Variants in SLC9A4 observed in about 807,000 individuals in gnomAD.
The protein encoded by SLC9A4 is solute carrier family 9 member A4.
A neutral mutation model predicts 67.4 loss-of-function variants in SLC9A4; 63 were observed. The observed-to-expected ratio is 0.93, with a 90% CI of 0.76 to 1.15. The LOEUF is 1.15. Among genes scored for constraint, SLC9A4 ranks in the 50% most tolerant of loss-of-function variants. SLC9A4 has a pLI of 0.00. For missense variants in SLC9A4, 1,089 were observed against 987.7 expected (o/e 1.10, Z -1.38); for synonymous variants, 393 against 367.2 (o/e 1.07, Z -0.80).
In SLC9A4 at chr2:102,503,762, A is replaced by G. The variant is rs186721123; in HGVS notation, c.980+55A>G. 8.8e-5 allele frequency: 139 copies of G among 1,586,544 alleles called. 1 individual carries two copies. The East Asian group carries it at 3.1e-3, about 35-fold the overall frequency. ...AGTAATAGAAAGAAAGTTTAGAACC[A>G]CATCACATGAGCCAGGCATCTGGGA... On this transcript the variant is annotated intron_variant, in intron 3 of 11. Coordinates refer to ENST00000295269, the MANE Select transcript of SLC9A4 (RefSeq NM_001011552.4).
chr2:102,488,709 C>T (rs57540503), intron 2 of SLC9A4, among the ~76,000 whole-genome samples: 24,470 of 152,014 alleles, frequency 0.16, 2,407 homozygotes, highest in African/African-American at 0.27. Flanking sequence ...CCACCACGCC[C>T]GGCTAATTTT....
At chr2:102,495,560 T>C (rs557143545) in intron 2 of SLC9A4, among the ~76,000 whole-genome samples, 1 of 152,152 alleles carries the variant, frequency 6.6e-6, no homozygotes. Context: ...CATGAAGCAA[T>C]GTCTAAAACT....
rs879258458 is a variant in SLC9A4 at position 102,532,727 on chromosome 2, G to C, written c.*39G>C. Reference sequence around the variant, plus strand: ...AAGATTGTTTTGGTGTTTCTCAAGAGTCTGTCTTCCTATAACTGTGAAAGG... The same window carrying C: ...AAGATTGTTTTGGTGTTTCTCAAGACTCTGTCTTCCTATAACTGTGAAAGG... On this transcript the variant is annotated 3_prime_UTR_variant, in exon 12 of 12. Coordinates refer to ENST00000295269, the MANE Select transcript of SLC9A4 (RefSeq NM_001011552.4). 1.3e-6 allele frequency: 2 copies of C among 1,561,958 alleles called. No homozygotes were observed. Among genetic ancestry groups the C allele is most frequent in the Non-Finnish European group, 1.7e-6 (2 of 1,146,854 alleles).
At chr2:102,504,408 C>T (rs1380603153) in intron 3 of SLC9A4, among the ~76,000 whole-genome samples, 2 of 152,228 alleles carry the variant, frequency 1.3e-5, no homozygotes, top group Non-Finnish European at 2.9e-5. Flanking sequence ...AACCACATCA[C>T]ACAGCCATGG....
chr2:102,532,818 A>G lies in SLC9A4; in HGVS notation c.*130A>G, dbSNP rs1674807506. The G allele has an allele frequency of 2.0e-6, 2 of 1,001,268 alleles. No individual in the cohort carries two copies. The highest frequency in any genetic ancestry group is 2.9e-6 in the Non-Finnish European group (2 of 697,656). The allele number at this position is 1,001,268 out of a possible 1,614,324, so 62.0% of individuals were successfully genotyped here. Reference sequence around the variant, plus strand: ...TGTTGAAGCTATTAAACATGGATCTATAAGCAGCAGGAAGATTTTTTCCAA... The same window carrying G: ...TGTTGAAGCTATTAAACATGGATCTGTAAGCAGCAGGAAGATTTTTTCCAA... On this transcript the variant is annotated 3_prime_UTR_variant, in exon 12 of 12. Coordinates refer to ENST00000295269, the MANE Select transcript of SLC9A4 (RefSeq NM_001011552.4).
rs754207840 is a variant in SLC9A4, at chr2:102,479,214, T to C, written c.632T>C (p.Val211Ala). Reference sequence around the variant, plus strand: ...ATCTCCGCCGTGGACCCAGTGGCCGTGCTAGCCGTGTTTGAGGAAGCGCGC... The same window carrying C: ...ATCTCCGCCGTGGACCCAGTGGCCGCGCTAGCCGTGTTTGAGGAAGCGCGC... The part of the protein sequence containing the change: ...SLISAVDPVA[V>A]LAVFEEARVN... The change falls in exon 2 of 12, where the codon GTG becomes GCG. Residue 211 changes from valine to alanine, a missense_variant. Coordinates refer to ENST00000295269, the MANE Select transcript of SLC9A4 (RefSeq NM_001011552.4). The C allele has an allele frequency of 5.0e-6, 8 of 1,614,074 alleles. No individual in the cohort carries two copies. The African/African-American group carries it at 1.1e-4, about 22-fold the overall frequency.
intron 2 of SLC9A4, among the ~76,000 whole-genome samples, chr2:102,487,178 GGTGTGTGTGTGT>G (rs55756786): frequency 6.7e-6 from 1 of 149,092 alleles, no homozygotes; most frequent in Non-Finnish European, 1.5e-5. Flanking sequence ...GCTCACAGCT[GGTGTGTGTGTGT>G]GTGTGTGTGT....
chr2:102,528,689 A>G (rs1030708216), intron 11 of SLC9A4, among the ~76,000 whole-genome samples: 12 of 152,226 alleles, frequency 7.9e-5, no homozygotes, highest in African/African-American at 2.7e-4. Flanking sequence ...GCAAAACACT[A>G]AAGTACAATA....
Position 102,479,052 on chromosome 2 carries a change from C to T in SLC9A4, c.470C>T (p.Ser157Phe), listed in dbSNP as rs1389378260. 1 of 1,614,166 alleles carries T rather than the reference C, an allele frequency of 6.2e-7. No individual in the cohort carries two copies. The highest frequency in any genetic ancestry group is 8.5e-7 in the Non-Finnish European group (1 of 1,180,046). Residue 157 changes from serine (S) to phenylalanine (F), a missense_variant, in exon 2 of 12, where the codon TCC (serine) becomes TTC (phenylalanine). Ser to Phe is a radical substitution (Grantham distance 155). Transcript: ENST00000295269. ...PTRPFFENIG[S>F]ILWWAVLGAL... ...CGGCCCTTCTTTGAGAACATCGGCT[C>T]CATCCTGTGGTGGGCAGTATTGGGG...
In SLC9A4 at chr2:102,532,431, A is replaced by T; in HGVS notation, c.2140A>T (p.Lys714Ter). The T allele has an allele frequency of 6.2e-7, 1 of 1,614,238 alleles. No homozygotes were observed. Among genetic ancestry groups the T allele is most frequent in the Non-Finnish European group, 8.5e-7 (1 of 1,180,040 alleles). Reference protein sequence around the residue: ...KQEAQEIIPMKSLHRGRKAFS... With the variant: ...KQEAQEIIPM Reference sequence around the variant, plus strand: ...AGAGGCACAAGAAATAATACCAATGAAGAGCCTACACAGAGGAAGGAAGGC... The same window carrying T: ...AGAGGCACAAGAAATAATACCAATGTAGAGCCTACACAGAGGAAGGAAGGC... The change falls in exon 12 of 12, where the codon AAG (lysine) becomes TAG (stop). Residue 714 changes from lysine to a stop codon, truncating the protein, a stop_gained. Coordinates refer to ENST00000295269, the MANE Select transcript of SLC9A4 (RefSeq NM_001011552.4). LOFTEE classifies it low-confidence loss of function (END_TRUNC).
At chr2:102,515,813 C>A (rs1285687697) in intron 8 of SLC9A4, among the ~76,000 whole-genome samples, 6 of 152,052 alleles carry the variant, frequency 3.9e-5, no homozygotes, top group Non-Finnish European at 7.3e-5. Context: ...GTGCCAGCCA[C>A]CTTGAAGCAG....
rs766238677 is a variant in SLC9A4, at chr2:102,503,558, G to T, written c.831G>T (p.Gly277=). 18 of 1,614,062 alleles carry T rather than the reference G, an allele frequency of 1.1e-5. No homozygotes were observed. The highest frequency in any genetic ancestry group is 1.5e-5 in the Non-Finnish European group (18 of 1,180,028). Residue 277 remains glycine, a synonymous_variant, in exon 3 of 12, where the codon GGG becomes GGT. Coordinates refer to ENST00000295269, the MANE Select transcript of SLC9A4 (RefSeq NM_001011552.4). The part of the protein sequence containing the change: ...CARFIVVGLG[G]VLFGIVFGFI... ...GATTCATCGTTGTGGGGCTTGGAGGGGTATTGTTTGGCATCGTTTTTGGAT... is the reference window on the plus strand; with the variant it reads ...GATTCATCGTTGTGGGGCTTGGAGGTGTATTGTTTGGCATCGTTTTTGGAT...
chr2:102,496,630 G>C (rs76261424), intron 2 of SLC9A4, among the ~76,000 whole-genome samples: 4,363 of 152,336 alleles, frequency 0.029, 96 homozygotes, highest in Non-Finnish European at 0.046. Flanking sequence ...ATATACCATA[G>C]AGAAGGAATG....
intron 4 of SLC9A4, among the ~76,000 whole-genome samples, chr2:102,507,754 C>A (rs956772927): frequency 2.6e-5 from 4 of 151,958 alleles, no homozygotes; most frequent in Non-Finnish European, 5.9e-5. Flanking sequence ...AAAGGTGGGA[C>A]AAAAATTATG....
intron 11 of SLC9A4, among the ~76,000 whole-genome samples, chr2:102,531,831 CT>C (rs1674784532): frequency 6.6e-6 from 1 of 152,196 alleles, no homozygotes; most frequent in Non-Finnish European, 1.5e-5. Context: ...CTGTGGCTCC[CT>C]TCTATCCCCC....
chr2:102,503,490 T>G lies in SLC9A4; in HGVS notation c.763T>G (p.Phe255Val), dbSNP rs1353754753. 6.2e-7 allele frequency: 1 copy of G among 1,613,570 alleles called. No individual in the cohort carries two copies. Among genetic ancestry groups the G allele is most frequent in the South Asian group, 1.1e-5 (1 of 91,046 alleles). Reference protein sequence around the residue: ...MLIAFTKMHKFEDIETVDILA... With the variant: ...MLIAFTKMHKVEDIETVDILA... ...AATTGCCTTTACAAAGATGCATAAA[T>G]TTGAAGACATAGAAACTGTCGACAT... The change falls in exon 3 of 12, where the codon TTT becomes GTT. Residue 255 changes from phenylalanine to valine, a missense_variant. Transcript: ENST00000295269.
In SLC9A4 at chr2:102,533,257, CTTTA is replaced by C. The variant is rs965266677; in HGVS notation, c.*574_*577del. The stretch of plus-strand genomic sequence containing the variant: ...AGAGATAAAATTTGTTATGAATTTG[CTTTA>C]TTTAATCAGTAGCAATGATAGATGT... On this transcript the variant is annotated 3_prime_UTR_variant, in exon 12 of 12. Coordinates refer to ENST00000295269, the MANE Select transcript of SLC9A4 (RefSeq NM_001011552.4). 6.5e-6 allele frequency: 1 copy of C among 153,546 alleles called. No homozygotes were observed. Among genetic ancestry groups the C allele is most frequent in the African/African-American group, 2.4e-5 (1 of 41,394 alleles). 9.5% of individuals were successfully genotyped at this position (153,546 alleles called of 1,614,324 possible). A position where few individuals can be genotyped will look rare whatever the true frequency, so the allele number is the denominator to read the frequency against.
Position 102,475,082 on chromosome 2 carries a change from A to G in SLC9A4, c.256+1067A>G, listed in dbSNP as rs531989640. Among the ~76,000 whole-genome samples the G allele has an allele frequency of 2.1e-3, 316 of 152,316 alleles. 1 individual carries two copies. The highest frequency in any genetic ancestry group is 2.5e-3 in the South Asian group (12 of 4,818). On this transcript the variant is annotated intron_variant, in intron 1 of 11. Coordinates refer to ENST00000295269, the MANE Select transcript of SLC9A4 (RefSeq NM_001011552.4). ...GTTGCTATTCATTTTGAGCTAGTAA[A>G]GTGTGAATATTAAATAGGAATGTTA...
chr2:102,497,481 A>G (rs1684833888), intron 2 of SLC9A4, among the ~76,000 whole-genome samples: 1 of 152,176 alleles, frequency 6.6e-6, no homozygotes, highest in South Asian at 2.1e-4. Flanking sequence ...CCATAACCAG[A>G]TAGTGGAATA....
Sources: gnomAD v4.1 joint callset for allele counts (sites outside exome capture counted in the v4.1 genomes callset) on GRCh38, gnomAD v4.1.1 for gene constraint, MANE v1.5 for transcripts, NCBI Gene and HGNC (gene_info 2026-07-23, HGNC 2026-07-21) for gene names.